The following REXO5 variants were observed in gnomAD, a reference collection of about 807,000 sequenced individuals.
The protein encoded by REXO5 is RNA exonuclease 5, also known as exonuclease NEF-sp.
A neutral mutation model predicts 88.5 loss-of-function variants in REXO5; 48 were observed. The ratio of observed to expected loss-of-function variants is 0.54; its 90% CI spans 0.43 to 0.69. REXO5 has a LOEUF of 0.69. Among genes scored for constraint, REXO5 ranks in the 30% least tolerant of loss-of-function variants. The probability of loss-of-function intolerance (pLI) is 0.00; values close to 1 mark genes in which losing one functional copy is unlikely to be tolerated. For synonymous variants in REXO5, 311 were observed against 336.5 expected, an observed-to-expected ratio of 0.92 and a Z score of 0.83; for missense variants, 749 against 912.2, an observed-to-expected ratio of 0.82 and a Z score of 2.30.
intron 13 of REXO5, among the ~76,000 whole-genome samples, chr16:20,837,888 C>T (rs1220756672): frequency 6.6e-6 from 1 of 152,118 alleles, no homozygotes; most frequent in African/African-American, 2.4e-5. Context: ...GCCTCAGCCA[C>T]CCAAGTAGCT....
In REXO5 at chr16:20,849,581, G is replaced by A. The variant is rs1438672467; in HGVS notation, c.*101G>A. 7.0e-6 allele frequency: 7 copies of A among 999,014 alleles called. No homozygotes were observed. The highest frequency in any genetic ancestry group is 3.2e-5 in the African/African-American group (2 of 62,554). 61.9% of individuals were successfully genotyped at this position (999,014 alleles called of 1,614,324 possible). ...CTCCCCAACCAGCAGACAGCTTTAT[G>A]GAAACTTGGTATAGCAGCTAAAAGA... On this transcript the variant is annotated 3_prime_UTR_variant, in exon 20 of 20. Transcript: ENST00000261377.
intron 2 of REXO5, among the ~76,000 whole-genome samples, chr16:20,812,138 G>A (rs942431269): frequency 1.6e-4 from 24 of 152,078 alleles, no homozygotes; most frequent in African/African-American, 4.3e-4. Flanking sequence ...TTTTATTTTC[G>A]TTTCTCTGTA....
intron 16 of REXO5, 92 bp downstream of exon 16, chr16:20,844,118 A>G (rs1374682983): frequency 6.7e-6 from 5 of 743,032 alleles, no homozygotes; most frequent in Non-Finnish European, 1.2e-5. Context: ...AACACTCTCA[A>G]GAGGCCCACG....
chr16:20,835,390 A>C (rs1311034543), intron 13 of REXO5, among the ~76,000 whole-genome samples: 4 of 152,148 alleles, frequency 2.6e-5, no homozygotes, highest in African/African-American at 9.7e-5. Context: ...ATCTCCATAA[A>C]TTATGAGATT....
At chr16:20,809,943 A>G (rs1471897710) in intron 2 of REXO5, among the ~76,000 whole-genome samples, 1 of 152,148 alleles carries the variant, frequency 6.6e-6, no homozygotes, top group Non-Finnish European at 1.5e-5. Context: ...AGTGGTACCT[A>G]TTTTGTTCAG....
At chr16:20,810,271 A>C (rs2080976352) in intron 2 of REXO5, among the ~76,000 whole-genome samples, 1 of 152,224 alleles carries the variant, frequency 6.6e-6, no homozygotes, top group African/African-American at 2.4e-5. Context: ...AAATTTTGTA[A>C]GTTGAAAGTG....
chr16:20,811,737 C>G (rs1223979356), intron 2 of REXO5, among the ~76,000 whole-genome samples: 1 of 152,136 alleles, frequency 6.6e-6, no homozygotes, highest in Admixed American at 6.5e-5. Flanking sequence ...ATGATCAGAA[C>G]TGTGTTTCGC....
intron 5 of REXO5, among the ~76,000 whole-genome samples, chr16:20,817,864 C>T (rs959377474): frequency 1.3e-5 from 2 of 152,222 alleles, no homozygotes; most frequent in African/African-American, 4.8e-5. Context: ...TGCAGGCCTG[C>T]ATTCTCAACT....
chr16:20,811,979 A>G (rs1462685305), intron 2 of REXO5, among the ~76,000 whole-genome samples: 1 of 152,180 alleles, frequency 6.6e-6, no homozygotes, highest in African/African-American at 2.4e-5. Context: ...GTCCAAGGCT[A>G]TGGCACTGGT....
chr16:20,828,495 C>G lies in REXO5; in HGVS notation c.1116C>G (p.Ile372Met), dbSNP rs1409668054. The G allele has an allele frequency of 6.2e-7, 1 of 1,613,948 alleles. No homozygotes were observed. The stretch of plus-strand genomic sequence containing the variant: ...ATGCCACAGAAGATGCTAGAACAAT[C>G]CTTGAATTGGCTCGGTATTTCCTTA... ...GHDATEDART[I>M]LELARYFLKH... The change falls in exon 11 of 20, where the codon ATC (isoleucine) becomes ATG (methionine). Residue 372 changes from isoleucine (I) to methionine (M), a missense_variant. Ile to Met is a conservative substitution (Grantham distance 10). Transcript: ENST00000261377.
intron 14 of REXO5, 58 bp from the exon 15 acceptor site, chr16:20,840,273 G>T: frequency 7.2e-7 from 1 of 1,396,902 alleles, no homozygotes; most frequent in South Asian, 1.7e-5. Flanking sequence ...ATTGACTCAT[G>T]ATTTCAGTTC....
At chr16:20,823,620 C>A (rs906881158) in intron 6 of REXO5, 6 of 152,072 alleles carry the variant, frequency 3.9e-5, no homozygotes, top group Non-Finnish European at 8.8e-5. Context: ...CTTTTCATTG[C>A]GATTAGTTGG....
intron 5 of REXO5, among the ~76,000 whole-genome samples, chr16:20,819,703 C>T (rs193175530): frequency 1.2e-4 from 18 of 150,750 alleles, no homozygotes; most frequent in Admixed American, 9.2e-4. Flanking sequence ...TACAGTGAGC[C>T]GAGATCGCGC....
intron 5 of REXO5, among the ~76,000 whole-genome samples, chr16:20,817,309 A>T (rs887505222): frequency 1.3e-5 from 2 of 152,132 alleles, no homozygotes; most frequent in Non-Finnish European, 2.9e-5. Flanking sequence ...TTTGATTTGC[A>T]CTGTATTTTA....
chr16:20,833,248 T>C, intron 13 of REXO5, 125 bp downstream of exon 13: 2 of 1,002,104 alleles, frequency 2.0e-6, no homozygotes, highest in Non-Finnish European at 2.8e-6. Flanking sequence ...AAGCCTGGCT[T>C]GTGTCTCACA....
At chr16:20,812,227 C>T (rs1047372130) in intron 2 of REXO5, among the ~76,000 whole-genome samples, 2 of 151,998 alleles carry the variant, frequency 1.3e-5, no homozygotes, top group Admixed American at 6.6e-5. Context: ...ATAGGCTGGG[C>T]GTGGTGACTA....
At chr16:20,827,492 A>G in intron 10 of REXO5, 45 bp downstream of exon 10, 3 of 1,387,202 alleles carry the variant, frequency 2.2e-6, no homozygotes, top group Non-Finnish European at 3.1e-6. Context: ...CAAACTGCAT[A>G]CAAGTTAGCA....
Position 20,813,321 on chromosome 16 carries a change from T to C in REXO5, c.251+19T>C. The C allele has an allele frequency of 1.4e-6, 2 of 1,394,554 alleles. No homozygotes were observed. Among genetic ancestry groups the C allele is most frequent in the Non-Finnish European group, 2.0e-6 (2 of 982,940 alleles). 86.4% of individuals were successfully genotyped at this position (1,394,554 alleles called of 1,614,324 possible). ...AACCCAGGTATGAGATGAATTTAAATGGTGGGTATTGACCAGCGGTTTCTT... is the reference window on the plus strand; with the variant it reads ...AACCCAGGTATGAGATGAATTTAAACGGTGGGTATTGACCAGCGGTTTCTT... On this transcript the variant is annotated intron_variant, in intron 3 of 19. Transcript: ENST00000261377.
chr16:20,813,276 G>A lies in REXO5; in HGVS notation c.225G>A (p.Leu75=). 1 of 1,612,778 alleles carries A rather than the reference G, an allele frequency of 6.2e-7. No homozygotes were observed. Among genetic ancestry groups the A allele is most frequent in the Non-Finnish European group, 8.5e-7 (1 of 1,179,204 alleles). Residue 75 remains leucine (L), a synonymous_variant, in exon 3 of 20, where the codon CTG becomes CTA. Coordinates refer to ENST00000261377, the MANE Select transcript of REXO5 (RefSeq NM_030941.3). ...GTGAATTGCTGAAGTATGCAGTTCT[G>A]GGCAAATCCAATGTTCCAAAACCCA... The part of the protein sequence containing the change: ...QLCELLKYAV[L]GKSNVPKPSW...
Sources: allele counts gnomAD v4.1 joint callset (sites outside exome capture counted in the v4.1 genomes callset), GRCh38; gene constraint gnomAD v4.1.1; transcripts MANE v1.5; gene names NCBI Gene and HGNC (gene_info 2026-07-23, HGNC 2026-07-21).